The following SLC35D2 variants were observed in gnomAD, a reference collection of about 807,000 sequenced individuals.
SLC35D2 encodes solute carrier family 35 member D2.
SLC35D2 carries 43 observed loss-of-function variants against 41.8 expected under a neutral mutation model. The observed-to-expected ratio is 1.03, with a 90% CI of 0.81 to 1.33. SLC35D2 has a LOEUF of 1.33. SLC35D2 is among the 40% of genes most tolerant of loss of function. The pLI is 0.00. For missense variants in SLC35D2, 380 were observed against 408.4 expected, an observed-to-expected ratio of 0.93 and a Z score of 0.60; for synonymous variants, 150 against 163.9, an observed-to-expected ratio of 0.92 and a Z score of 0.65.
chr9:96,382,496 C>CACACTCTA (rs200897475), intron 1 of SLC35D2, among the ~76,000 whole-genome samples: 1 of 127,914 alleles, frequency 7.8e-6, no homozygotes, highest in Admixed American at 7.7e-5. Flanking sequence ...CACACACACA[C>CACACTCTA]TATATATATA....
intron 9 of SLC35D2, among the ~76,000 whole-genome samples, chr9:96,335,560 A>G (rs1829010299): frequency 6.6e-6 from 1 of 152,064 alleles, no homozygotes; most frequent in Admixed American, 6.5e-5. Flanking sequence ...GGGTTATGCC[A>G]TGTTGGCCAG....
chr9:96,326,552 C>T (rs1182006095), intron 9 of SLC35D2, among the ~76,000 whole-genome samples: 1 of 152,030 alleles, frequency 6.6e-6, no homozygotes, highest in Non-Finnish European at 1.5e-5. Context: ...GCCTGTAATC[C>T]CAGCAGTTTG....
rs370994328 is a variant in SLC35D2, at chr9:96,368,292, T to C, written c.172A>G (p.Ile58Val). The change falls in exon 2 of 12, where the codon ATT becomes GTT. Residue 58 changes from isoleucine to valine, a missense_variant. Transcript: ENST00000253270. ...CTCACCTGTCCAATTCCAAGGAAAA[T>C]TGGTGACGGGAAACTACAAAGGACA... ...LLTTYGFPSP[I>V]FLGIGQMAAT... The C allele has an allele frequency of 1.1e-4, 180 of 1,608,264 alleles. No individual in the cohort carries two copies. The highest frequency in any genetic ancestry group is 1.4e-4 in the Non-Finnish European group (164 of 1,176,762).
intron 2 of SLC35D2, among the ~76,000 whole-genome samples, chr9:96,364,991 A>G (rs1369604855): frequency 6.7e-6 from 1 of 148,808 alleles, no homozygotes; most frequent in Non-Finnish European, 1.5e-5. Context: ...CCAAGGTTGC[A>G]GTGAGCCAAG....
intron 10 of SLC35D2, among the ~76,000 whole-genome samples, 171 bp from the exon 11 acceptor site, chr9:96,322,251 G>C (rs1040378778): frequency 6.6e-6 from 1 of 152,218 alleles, no homozygotes; most frequent in African/African-American, 2.4e-5. Context: ...AGGAATGATG[G>C]CTCACGCCTG....
At chr9:96,338,300 G>A (rs1424396348) in intron 8 of SLC35D2, among the ~76,000 whole-genome samples, 1 of 152,136 alleles carries the variant, frequency 6.6e-6, no homozygotes, top group Non-Finnish European at 1.5e-5. Context: ...AATTAAGGTA[G>A]AATTCTCTTC....
intron 1 of SLC35D2, among the ~76,000 whole-genome samples, chr9:96,382,274 C>G (rs999176790): frequency 3.3e-5 from 5 of 151,726 alleles, no homozygotes; most frequent in African/African-American, 1.2e-4. Flanking sequence ...TGGAAACACA[C>G]TGAGACCCCA....
At chr9:96,349,456 C>T (rs112718082) in intron 6 of SLC35D2, among the ~76,000 whole-genome samples, 2,143 of 152,274 alleles carry the variant, frequency 0.014, 43 homozygotes, top group African/African-American at 0.049. Context: ...GCCGCTCTCC[C>T]GTGATCTCTA....
chr9:96,332,555 G>C (rs957852736), intron 9 of SLC35D2, among the ~76,000 whole-genome samples: 4 of 152,138 alleles, frequency 2.6e-5, no homozygotes, highest in Non-Finnish European at 5.9e-5. Flanking sequence ...AAGGCAGGCA[G>C]ATCACCTGAG....
chr9:96,360,178 C>A lies in SLC35D2; in HGVS notation c.323G>T (p.Gly108Val). 1.2e-6 allele frequency: 2 copies of A among 1,613,044 alleles called. No homozygotes were observed. The highest frequency in any genetic ancestry group is 1.7e-6 in the Non-Finnish European group (2 of 1,179,406). ...PLLYVGNHIS[G>V]LSSTSKLSLP... is the part of the protein sequence containing the mutation. ...CCTTAATTTACTTGTGCTTGATAAT[C>A]CACTTATGTGGTTTCCAACGTAGAG... Residue 108 changes from glycine (G) to valine (V), a missense_variant, in exon 4 of 12, where the codon GGA becomes GTA. Coordinates refer to ENST00000253270, the MANE Select transcript of SLC35D2 (RefSeq NM_007001.3).
At chr9:96,371,474 CAAAAAAAAAAAAAAAAAA>C (rs539576375) in intron 1 of SLC35D2, among the ~76,000 whole-genome samples, 2 of 46,644 alleles carry the variant, frequency 4.3e-5, no homozygotes, top group African/African-American at 1.5e-4. Context: ...GACTCTGTCT[CAAAAAAAAAAAAAAAAAA>C]AAAAAAAAAA....
At chr9:96,357,207 T>C (rs1348282749) in intron 4 of SLC35D2, among the ~76,000 whole-genome samples, 1 of 152,036 alleles carries the variant, frequency 6.6e-6, no homozygotes, top group Non-Finnish European at 1.5e-5. Flanking sequence ...AAAGATGATA[T>C]ACAATCAATA....
intron 6 of SLC35D2, among the ~76,000 whole-genome samples, chr9:96,348,761 AT>A (rs1363113542): frequency 2.0e-5 from 3 of 152,076 alleles, no homozygotes; most frequent in African/African-American, 7.2e-5. Flanking sequence ...TGAAAGTTAG[AT>A]GCTTTAGGAA....
At chr9:96,323,028 TTTTTTTTTTTTC>T (rs1306829015) in intron 10 of SLC35D2, among the ~76,000 whole-genome samples, 2 of 151,388 alleles carry the variant, frequency 1.3e-5, no homozygotes, top group African/African-American at 2.4e-5. Flanking sequence ...TTTTCTTTTT[TTTTTTTTTTTTC>T]AACCTTGGGC....
chr9:96,330,786 AAGAG>A (rs1432261929), intron 9 of SLC35D2, among the ~76,000 whole-genome samples: 2 of 152,196 alleles, frequency 1.3e-5, no homozygotes, highest in African/African-American at 4.8e-5. Context: ...GATAGCTGCA[AAGAG>A]AGAGGGCCAC....
chr9:96,379,959 G>A (rs1182271593), intron 1 of SLC35D2, among the ~76,000 whole-genome samples: 5 of 149,896 alleles, frequency 3.3e-5, no homozygotes, highest in East Asian at 2.0e-4. Context: ...GTGCGATGGC[G>A]TGGTCTCAGC....
At chr9:96,377,823 C>T (rs564541039) in intron 1 of SLC35D2, among the ~76,000 whole-genome samples, 1 of 152,284 alleles carries the variant, frequency 6.6e-6, no homozygotes, top group African/African-American at 2.4e-5. Context: ...GAAGCTCAGG[C>T]AGCATTCCAC....
Position 96,352,044 on chromosome 9 carries a change from A to G in SLC35D2, c.413T>C (p.Ile138Thr). The change falls in exon 5 of 12, where the codon ATA (isoleucine) becomes ACA (threonine). Residue 138 changes from isoleucine to threonine, a missense_variant. Physicochemically the swap from Ile to Thr is moderately conservative, Grantham distance 89. Transcript: ENST00000253270. ...GGAGGAAAAACAAAATCACCCAAGT[A>G]TGATGGTTTCCAGAAGTAAGGTAAG... ...IPLTLLLETI[I>T]LGKQYSLNII... 1.9e-6 allele frequency: 3 copies of G among 1,609,422 alleles called. No individual in the cohort carries two copies. The highest frequency in any genetic ancestry group is 2.6e-6 in the Non-Finnish European group (3 of 1,176,362).
chr9:96,381,889 C>G (rs1343770440), intron 1 of SLC35D2, among the ~76,000 whole-genome samples: 2 of 152,180 alleles, frequency 1.3e-5, no homozygotes, highest in East Asian at 3.9e-4. Flanking sequence ...CTCATGCCCA[C>G]TTCAGCACAT....
Sources: allele counts gnomAD v4.1 joint callset (sites outside exome capture counted in the v4.1 genomes callset), GRCh38; gene constraint gnomAD v4.1.1; transcripts MANE v1.5; gene names NCBI Gene and HGNC (gene_info 2026-07-23, HGNC 2026-07-21).